NKD1: variants seen among roughly 807,000 people sequenced by gnomAD.
NKD1 encodes NKD inhibitor of Wnt signaling pathway 1.
NKD1 carries 21 observed loss-of-function variants against 56.0 expected under a neutral mutation model. That is an observed-to-expected ratio of 0.38 (90% CI 0.27 to 0.54). The LOEUF (loss-of-function observed/expected upper bound fraction) is 0.54. Ranked by LOEUF, NKD1 falls within the 20% of genes least tolerant of loss-of-function variation. The probability of loss-of-function intolerance (pLI) is 0.82; values close to 1 mark genes in which losing one functional copy is unlikely to be tolerated. For synonymous variants in NKD1, 263 were observed against 265.7 expected (o/e 0.99, Z 0.10); for missense variants, 578 against 642.7 (o/e 0.90, Z 1.09).
At chr16:50,610,561 T>G (rs1567348375) in intron 4 of NKD1, among the ~76,000 whole-genome samples, 5 of 152,242 alleles carry the variant, frequency 3.3e-5, no homozygotes. Flanking sequence ...TCTGTGCTAC[T>G]GACTAAGGGA....
intron 3 of NKD1, among the ~76,000 whole-genome samples, chr16:50,579,491 A>G (rs1417630027): frequency 8.1e-6 from 1 of 123,438 alleles, no homozygotes; most frequent in East Asian, 2.5e-4. Flanking sequence ...CCCGCTACAC[A>G]CGCACTCTAA....
chr16:50,575,314 G>A (rs539665325), intron 3 of NKD1: 6 of 985,390 alleles, frequency 6.1e-6, no homozygotes, highest in Admixed American at 6.1e-5. Context: ...TTTTATAGGC[G>A]GGTGGTTCAC....
At chr16:50,579,562 G>A (rs551421238) in intron 3 of NKD1, among the ~76,000 whole-genome samples, 1 of 118,530 alleles carries the variant, frequency 8.4e-6, no homozygotes, top group South Asian at 2.8e-4. Flanking sequence ...ACTCTAACCC[G>A]CCACGCATGC....
chr16:50,562,344 G>A (rs553457222), intron 3 of NKD1: 3 of 879,382 alleles, frequency 3.4e-6, no homozygotes, highest in Non-Finnish European at 4.1e-6. Context: ...ATCTGGAAGG[G>A]TACACTGTCA....
chr16:50,587,468 T>TG (rs1386080332), intron 3 of NKD1, among the ~76,000 whole-genome samples: 1 of 152,218 alleles, frequency 6.6e-6, no homozygotes, highest in Non-Finnish European at 1.5e-5. Context: ...TGTATTACTT[T>TG]GGGGGGAAAA....
At chr16:50,591,586 G>A (rs975811240) in intron 3 of NKD1, among the ~76,000 whole-genome samples, 4 of 152,188 alleles carry the variant, frequency 2.6e-5, no homozygotes, top group African/African-American at 9.7e-5. Context: ...CTCTTGCCAT[G>A]CTTCCTCTTT....
rs1188655696 is a variant in NKD1, at chr16:50,642,908, TG to T, written c.*9129del. ...CTCTGTTCCTTCCAGACCCGACTTG[TG>T]GTGTGAACTTGGACAAGCCCCTGCT... On this transcript the variant is annotated 3_prime_UTR_variant, in exon 10 of 10. Coordinates refer to ENST00000268459, the MANE Select transcript of NKD1 (RefSeq NM_033119.5). 1.3e-5 allele frequency: 2 copies of T among 152,232 alleles called. No homozygotes were observed. The highest frequency in any genetic ancestry group is 2.9e-5 in the Non-Finnish European group (2 of 68,060). The allele number at this position is 152,232 out of a possible 1,614,324, so 9.4% of individuals were successfully genotyped here.
chr16:50,555,176 G>C (rs939237927), intron 3 of NKD1, among the ~76,000 whole-genome samples: 2 of 152,102 alleles, frequency 1.3e-5, no homozygotes, highest in African/African-American at 4.8e-5. Flanking sequence ...GAGGCCCCAG[G>C]CTCAAGCTGC....
intron 3 of NKD1, among the ~76,000 whole-genome samples, chr16:50,589,729 C>G (rs1376051887): frequency 1.1e-5 from 1 of 89,594 alleles, no homozygotes; most frequent in Non-Finnish European, 2.2e-5. Context: ...CTTCTCTTCT[C>G]TTCTCTTCTC....
rs1833248424 is a variant in NKD1, at chr16:50,642,065, G to A, written c.*8284G>A. 2 of 152,246 alleles carry A rather than the reference G, an allele frequency of 1.3e-5. No individual in the cohort carries two copies. Among genetic ancestry groups the A allele is most frequent in the Non-Finnish European group, 2.9e-5 (2 of 68,052 alleles). 9.4% of individuals were successfully genotyped at this position (152,246 alleles called of 1,614,324 possible). On this transcript the variant is annotated 3_prime_UTR_variant, in exon 10 of 10. Transcript: ENST00000268459. ...GCTTGGCTTCAGCTCCAGGGACTTT[G>A]GAGATTTAAGCAAAGCAAGAAATGG...
At chr16:50,604,345 A>T (rs544723248) in intron 3 of NKD1, among the ~76,000 whole-genome samples, 34 of 152,304 alleles carry the variant, frequency 2.2e-4, no homozygotes, top group African/African-American at 7.0e-4. Flanking sequence ...CTCTGAAAAC[A>T]AGTGTTCTGG....
intron 3 of NKD1, among the ~76,000 whole-genome samples, chr16:50,569,069 T>G (rs1960826672): frequency 6.6e-6 from 1 of 152,222 alleles, no homozygotes; most frequent in Non-Finnish European, 1.5e-5. Context: ...AGATCTATCA[T>G]CTCAGCTTTG....
intron 3 of NKD1, among the ~76,000 whole-genome samples, chr16:50,570,426 G>A (rs1362656263): frequency 1.3e-5 from 2 of 152,188 alleles, no homozygotes; most frequent in Non-Finnish European, 2.9e-5. Flanking sequence ...GTCTACACAG[G>A]CTCTGTATGA....
At chr16:50,580,500 C>T (rs1390743510) in intron 3 of NKD1, among the ~76,000 whole-genome samples, 1 of 152,250 alleles carries the variant, frequency 6.6e-6, no homozygotes, top group Admixed American at 6.5e-5. Context: ...GGTACTCAAA[C>T]CCTTGTCAAA....
chr16:50,561,393 T>TAAA (rs10692410), intron 3 of NKD1, among the ~76,000 whole-genome samples: 5,837 of 141,030 alleles, frequency 0.041, 412 homozygotes, highest in African/African-American at 0.14. Context: ...TCTACTGCTG[T>TAAA]AAAAAAAAAA....
At chr16:50,567,293 C>T (rs1960782452) in intron 3 of NKD1, among the ~76,000 whole-genome samples, 2 of 152,234 alleles carry the variant, frequency 1.3e-5, no homozygotes, top group Non-Finnish European at 2.9e-5. Flanking sequence ...TTTAAGGCCT[C>T]TGGATCTGCT....
chr16:50,590,900 C>T (rs892219137), intron 3 of NKD1, among the ~76,000 whole-genome samples: 2 of 152,222 alleles, frequency 1.3e-5, no homozygotes, highest in African/African-American at 2.4e-5. Context: ...TCACTGCAAC[C>T]TCCACCTCCA....
intron 4 of NKD1, among the ~76,000 whole-genome samples, chr16:50,616,338 G>T (rs573214663): frequency 6.6e-6 from 1 of 152,264 alleles, no homozygotes; most frequent in South Asian, 2.1e-4. Context: ...TTTCAAATTT[G>T]TCTCTTCTTT....
In NKD1 at chr16:50,648,729, AG is replaced by A. The variant is rs978033290; in HGVS notation, c.*14949del. ...ATTTTGTGACTAAACTCTAGTCAAC[AG>A]TAAGTGTCATGTAGCAGCTCCTGGG... is the stretch of plus-strand genomic sequence containing the variant. On this transcript the variant is annotated 3_prime_UTR_variant, in exon 10 of 10. Transcript: ENST00000268459. 1.3e-4 allele frequency: 20 copies of A among 152,376 alleles called. No individual in the cohort carries two copies. Among genetic ancestry groups the A allele is most frequent in the African/African-American group, 4.8e-4 (20 of 41,590 alleles). 9.4% of individuals were successfully genotyped at this position (152,376 alleles called of 1,614,324 possible). A position where few individuals can be genotyped will look rare whatever the true frequency, so the allele number is the denominator to read the frequency against.
Sources: allele counts gnomAD v4.1 joint callset (sites outside exome capture counted in the v4.1 genomes callset), GRCh38; gene constraint gnomAD v4.1.1; transcripts MANE v1.5; gene names NCBI Gene and HGNC (gene_info 2026-07-23, HGNC 2026-07-21).